TRDMT1: variants seen among roughly 807,000 people sequenced by gnomAD.
TRDMT1 encodes the protein tRNA aspartic acid methyltransferase 1.
A neutral mutation model predicts 51.2 loss-of-function variants in TRDMT1; 49 were observed. That is an observed-to-expected ratio of 0.96 (90% CI 0.76 to 1.21). The LOEUF (loss-of-function observed/expected upper bound fraction) is 1.21. TRDMT1 is among the 50% of genes most tolerant of loss of function. The pLI is 0.00. For synonymous variants in TRDMT1, 187 were observed against 164.6 expected (o/e 1.14, Z -1.04); for missense variants, 534 against 462.3 (o/e 1.16, Z -1.42).
At chr10:17,150,554 GTTAGTTATA>G (rs1264324295) in intron 10 of TRDMT1, 7 of 985,172 alleles carry the variant, frequency 7.1e-6, no homozygotes, top group African/African-American at 1.7e-5. Flanking sequence ...GCACTATAAT[GTTAGTTATA>G]ATGGCAGGAT....
intron 7 of TRDMT1, 51 bp from the exon 8 acceptor site, chr10:17,157,835 G>A (rs1839776602): frequency 3.7e-6 from 5 of 1,369,016 alleles, no homozygotes; most frequent in Non-Finnish European, 4.9e-6. Context: ...TTAAAAATAA[G>A]AGAAATTAAC....
chr10:17,166,690 T>A (rs1393312205), intron 3 of TRDMT1, among the ~76,000 whole-genome samples: 1 of 152,214 alleles, frequency 6.6e-6, no homozygotes, highest in Non-Finnish European at 1.5e-5. Context: ...CAGTTCTTAT[T>A]TGTCCTTTCC....
rs1200341578 is a variant in TRDMT1, at chr10:17,201,464, CCA to C, written c.64+105_64+106del. ...CGAGGGCCGCCCCACAGTGTCCGCC[CCA>C]CAGTGTCCGCCCCTTGCGTCTCGCC... On this transcript the variant is annotated intron_variant, in intron 1 of 10. Transcript: ENST00000377799. The C allele has an allele frequency of 8.7e-5, 109 of 1,257,424 alleles. 2 individuals are homozygous for C. In the South Asian group the frequency reaches 1.1e-3, roughly 12 times the overall value. The allele number at this position is 1,257,424 out of a possible 1,614,324, so 77.9% of individuals were successfully genotyped here. A position where few individuals can be genotyped will look rare whatever the true frequency, so the allele number is the denominator to read the frequency against.
intron 3 of TRDMT1, among the ~76,000 whole-genome samples, chr10:17,166,132 C>A (rs1284862227): frequency 6.6e-6 from 1 of 152,034 alleles, no homozygotes. Flanking sequence ...AAGTGTCCAA[C>A]AATGATAGAC....
At chr10:17,201,512 G>C in intron 1 of TRDMT1, 59 bp downstream of exon 1, 2 of 1,483,338 alleles carry the variant, frequency 1.3e-6, no homozygotes, top group South Asian at 2.5e-5. Context: ...TTCCCGGCGC[G>C]GGTGCTCCAA....
At chr10:17,150,451 CT>C in intron 10 of TRDMT1, 2 of 985,252 alleles carry the variant, frequency 2.0e-6, no homozygotes, top group Non-Finnish European at 2.4e-6. Flanking sequence ...TGCTACATTC[CT>C]TTCTTAAAAC....
intron 1 of TRDMT1, among the ~76,000 whole-genome samples, chr10:17,198,720 AG>A (rs1845764925): frequency 6.6e-6 from 1 of 152,228 alleles, no homozygotes; most frequent in African/African-American, 2.4e-5. Flanking sequence ...GAAATGAACA[AG>A]GGTGATGGTT....
intron 1 of TRDMT1, among the ~76,000 whole-genome samples, chr10:17,193,709 A>G (rs1311574848): frequency 6.6e-6 from 1 of 152,208 alleles, no homozygotes; most frequent in East Asian, 1.9e-4. Flanking sequence ...TCAAAAAATC[A>G]ATGTTGTTAA....
chr10:17,154,748 A>G lies in TRDMT1; in HGVS notation c.888-14T>C. The G allele has an allele frequency of 6.3e-7, 1 of 1,598,712 alleles. No individual in the cohort carries two copies. Among genetic ancestry groups the G allele is most frequent in the Non-Finnish European group, 8.5e-7 (1 of 1,173,466 alleles). On this transcript the variant is annotated splice_polypyrimidine_tract_variant and intron_variant, in intron 8 of 10. Coordinates refer to ENST00000377799, the MANE Select transcript of TRDMT1 (RefSeq NM_004412.7). ...TAGCTTCCATATCTGAAAAATCAACACAACAATTATGCAGCACCTGATGTA... is the reference window on the plus strand; with the variant it reads ...TAGCTTCCATATCTGAAAAATCAACGCAACAATTATGCAGCACCTGATGTA...
At chr10:17,185,146 T>G (rs1843719535) in intron 1 of TRDMT1, among the ~76,000 whole-genome samples, 1 of 152,224 alleles carries the variant, frequency 6.6e-6, no homozygotes, top group African/African-American at 2.4e-5. Flanking sequence ...GGGATTACTA[T>G]TTGATTAGTG....
At chr10:17,179,409 C>T (rs2131547489) in intron 1 of TRDMT1, among the ~76,000 whole-genome samples, 1 of 152,194 alleles carries the variant, frequency 6.6e-6, no homozygotes, top group Non-Finnish European at 1.5e-5. Flanking sequence ...AGGGCATAAA[C>T]TGGTCTCTAA....
At chr10:17,183,875 T>G (rs1843579760) in intron 1 of TRDMT1, among the ~76,000 whole-genome samples, 1 of 152,214 alleles carries the variant, frequency 6.6e-6, no homozygotes, top group African/African-American at 2.4e-5. Flanking sequence ...TCTCAAGGCA[T>G]GCCAATTGTG....
rs1588689190 is a variant in TRDMT1, at chr10:17,147,117, T to C, written c.*1923A>G. The C allele has an allele frequency of 5.1e-6, 5 of 985,842 alleles. No homozygotes were observed. Among genetic ancestry groups the C allele is most frequent in the Non-Finnish European group, 4.8e-6 (4 of 829,896 alleles). The allele number at this position is 985,842 out of a possible 1,614,324, so 61.1% of individuals were successfully genotyped here. A position where few individuals can be genotyped will look rare whatever the true frequency, so the allele number is the denominator to read the frequency against. ...TTGCTCAACCGAATGTGGGATACTA[T>C]AATTATAGCATAATTATTCATAGTT... On this transcript the variant is annotated 3_prime_UTR_variant, in exon 11 of 11. Transcript: ENST00000377799.
chr10:17,194,071 T>C (rs997078628), intron 1 of TRDMT1, among the ~76,000 whole-genome samples: 1 of 152,180 alleles, frequency 6.6e-6, no homozygotes, highest in East Asian at 1.9e-4. Context: ...ACTCACTATT[T>C]AATAAACGGT....
chr10:17,163,539 A>T (rs533604920), intron 3 of TRDMT1, among the ~76,000 whole-genome samples: 2 of 152,152 alleles, frequency 1.3e-5, no homozygotes, highest in Non-Finnish European at 2.9e-5. Flanking sequence ...AACTGAAGGA[A>T]ATAGAGACAC....
intron 10 of TRDMT1, chr10:17,151,920 G>A (rs1053491463): frequency 1.6e-5 from 18 of 1,151,158 alleles, no homozygotes; most frequent in African/African-American, 3.2e-5. Flanking sequence ...GTTAAGGTGG[G>A]GCTGGGATAT....
intron 1 of TRDMT1, among the ~76,000 whole-genome samples, chr10:17,187,653 A>C (rs905167610): frequency 6.6e-6 from 1 of 152,200 alleles, no homozygotes; most frequent in Non-Finnish European, 1.5e-5. Flanking sequence ...GTACAATACA[A>C]AATATGATAG....
chr10:17,200,833 TG>T (rs1400716088), intron 1 of TRDMT1, among the ~76,000 whole-genome samples: 4 of 152,170 alleles, frequency 2.6e-5, no homozygotes. Context: ...GTGATAATAA[TG>T]TATAATATTT....
At chr10:17,188,983 T>C (rs558627405) in intron 1 of TRDMT1, among the ~76,000 whole-genome samples, 53 of 152,340 alleles carry the variant, frequency 3.5e-4, no homozygotes, top group African/African-American at 1.2e-3. Flanking sequence ...GCCAATTCCA[T>C]TGAGTGACCT....
Sources: allele counts gnomAD v4.1 joint callset (sites outside exome capture counted in the v4.1 genomes callset), GRCh38; gene constraint gnomAD v4.1.1; transcripts MANE v1.5; gene names NCBI Gene and HGNC (gene_info 2026-07-23, HGNC 2026-07-21).